LRRC4C: variants seen among roughly 807,000 people sequenced by gnomAD.
The protein encoded by LRRC4C is leucine-rich repeat-containing protein 4C.
A neutral mutation model predicts 33.6 loss-of-function variants in LRRC4C; 5 were observed. That is an observed-to-expected ratio of 0.15 (90% CI 0.08 to 0.31). The LOEUF is 0.31. Among genes scored for constraint, LRRC4C ranks in the 10% least tolerant of loss-of-function variants. The pLI, the probability that LRRC4C is intolerant of heterozygous loss-of-function variation, is 1.00. For missense variants in LRRC4C, 560 were observed against 796.7 expected (o/e 0.70, Z 3.58); for synonymous variants, 329 against 302.0 (o/e 1.09, Z -0.93).
chr11:41,347,078 A>G (rs1951827391), intron 1 of LRRC4C, among the ~76,000 whole-genome samples: 1 of 152,318 alleles, frequency 6.6e-6, no homozygotes, highest in African/African-American at 2.4e-5. Flanking sequence ...CATGCCCATT[A>G]CTCAAAGGAA....
At chr11:40,885,704 T>C (rs888893289) in intron 2 of LRRC4C, among the ~76,000 whole-genome samples, 1 of 152,102 alleles carries the variant, frequency 6.6e-6, no homozygotes, top group Non-Finnish European at 1.5e-5. Context: ...TTGGAGTACA[T>C]ACACTCACCA....
chr11:40,829,981 T>C (rs1285645389), intron 2 of LRRC4C, among the ~76,000 whole-genome samples: 1 of 152,030 alleles, frequency 6.6e-6, no homozygotes, highest in Non-Finnish European at 1.5e-5. Context: ...GAAGTCTAAT[T>C]CAAAGAAGAC....
intron 1 of LRRC4C, among the ~76,000 whole-genome samples, chr11:41,183,779 T>G (rs2136170537): frequency 6.6e-6 from 1 of 152,310 alleles, no homozygotes; most frequent in Admixed American, 6.5e-5. Flanking sequence ...CACATTTCCC[T>G]TCCACACTGC....
intron 1 of LRRC4C, among the ~76,000 whole-genome samples, chr11:41,442,474 T>C (rs1218286602): frequency 2.3e-5 from 3 of 132,154 alleles, no homozygotes; most frequent in African/African-American, 8.6e-5. Context: ...TTTTTTTTTT[T>C]TTTTTTTTTT....
At chr11:41,320,424 T>G (rs1950923424) in intron 1 of LRRC4C, among the ~76,000 whole-genome samples, 1 of 152,236 alleles carries the variant, frequency 6.6e-6, no homozygotes. Context: ...CTCCTGATTC[T>G]GTGAAAAATG....
At chr11:41,085,748 A>T (rs1188907620) in intron 1 of LRRC4C, among the ~76,000 whole-genome samples, 2 of 152,036 alleles carry the variant, frequency 1.3e-5, no homozygotes, top group Non-Finnish European at 2.9e-5. Flanking sequence ...AAGAGATTGT[A>T]ACTCTCCCCT....
chr11:41,349,728 T>C (rs1296126484), intron 1 of LRRC4C, among the ~76,000 whole-genome samples: 3 of 152,168 alleles, frequency 2.0e-5, no homozygotes, highest in Non-Finnish European at 4.4e-5. Flanking sequence ...AAAGAACCAG[T>C]GTAAGAACTC....
intron 1 of LRRC4C, among the ~76,000 whole-genome samples, chr11:41,400,656 A>G (rs978892686): frequency 1.3e-5 from 2 of 151,916 alleles, no homozygotes; most frequent in Non-Finnish European, 2.9e-5. Context: ...TTTCCTAGAA[A>G]ATAAGATTCA....
At chr11:40,121,757 A>T (rs1240096893) in intron 6 of LRRC4C, among the ~76,000 whole-genome samples, 7 of 152,234 alleles carry the variant, frequency 4.6e-5, no homozygotes, top group African/African-American at 1.7e-4. Flanking sequence ...TTCTTAGCAC[A>T]GTATCATTGC....
chr11:41,146,281 C>T (rs1486372091), intron 1 of LRRC4C, among the ~76,000 whole-genome samples: 1 of 152,170 alleles, frequency 6.6e-6, no homozygotes, highest in Non-Finnish European at 1.5e-5. Context: ...AATATCTCCC[C>T]ATCATCTCTC....
intron 6 of LRRC4C, among the ~76,000 whole-genome samples, chr11:40,119,035 G>T (rs893551971): frequency 6.6e-6 from 1 of 152,082 alleles, no homozygotes; most frequent in African/African-American, 2.4e-5. Context: ...ACCACCAAAG[G>T]CTTGAGGAAG....
At chr11:40,215,328 T>C (rs1863898876) in intron 5 of LRRC4C, among the ~76,000 whole-genome samples, 1 of 152,158 alleles carries the variant, frequency 6.6e-6, no homozygotes, top group South Asian at 2.1e-4. Context: ...AAGTGCAAAG[T>C]TTCCTGAACG....
At chr11:40,282,368 C>T (rs980187100) in intron 4 of LRRC4C, among the ~76,000 whole-genome samples, 6 of 151,790 alleles carry the variant, frequency 4.0e-5, no homozygotes, top group East Asian at 1.9e-4. Flanking sequence ...AACAAAACAA[C>T]AAAAAAACCC....
intron 1 of LRRC4C, among the ~76,000 whole-genome samples, chr11:41,361,939 C>A (rs1952369252): frequency 6.6e-6 from 1 of 152,096 alleles, no homozygotes; most frequent in Non-Finnish European, 1.5e-5. Flanking sequence ...ACAATTCATT[C>A]AGACAAATAA....
intron 3 of LRRC4C, among the ~76,000 whole-genome samples, chr11:40,591,367 C>T (rs961381168): frequency 1.3e-5 from 2 of 152,146 alleles, no homozygotes; most frequent in East Asian, 1.9e-4. Flanking sequence ...CACTGACCTG[C>T]GCCCACTGTC....
chr11:40,852,190 C>A (rs1452093670), intron 2 of LRRC4C, among the ~76,000 whole-genome samples: 2 of 151,190 alleles, frequency 1.3e-5, no homozygotes, highest in Non-Finnish European at 2.9e-5. Flanking sequence ...TGTCTCATTT[C>A]TAAATGGTAT....
At chr11:41,238,221 C>T (rs1465530775) in intron 1 of LRRC4C, among the ~76,000 whole-genome samples, 1 of 152,104 alleles carries the variant, frequency 6.6e-6, no homozygotes, top group Non-Finnish European at 1.5e-5. Context: ...TTCTTTATTG[C>T]AGTATGGCTA....
chr11:41,244,839 G>T (rs1948388338), intron 1 of LRRC4C, among the ~76,000 whole-genome samples: 1 of 152,072 alleles, frequency 6.6e-6, no homozygotes, highest in Non-Finnish European at 1.5e-5. Context: ...CATACTGCAG[G>T]CACAGGGACT....
rs565189280 is a variant in LRRC4C, at chr11:41,268,005, T to C, written c.-496+191426A>G. On this transcript the variant is annotated intron_variant, in intron 1 of 6. Transcript: ENST00000528697. ...TGCTACTTCAGAGGTGGCTTTTCAC[T>C]GTGACCATGCAGGTAAGTGTTTATT... Among the ~76,000 whole-genome samples, 254 of 152,236 alleles carry C rather than the reference T, an allele frequency of 1.7e-3. 2 individuals are homozygous for C. Among genetic ancestry groups the C allele is most frequent in the Non-Finnish European group, 2.4e-3 (166 of 68,000 alleles).
Sources: gnomAD v4.1 joint callset for allele counts (sites outside exome capture counted in the v4.1 genomes callset) on GRCh38, gnomAD v4.1.1 for gene constraint, MANE v1.5 for transcripts, NCBI Gene and HGNC (gene_info 2026-07-23, HGNC 2026-07-21) for gene names.